PHKA2: variants seen among roughly 807,000 people sequenced by gnomAD.
PHKA2 encodes phosphorylase kinase regulatory subunit alpha 2.
Under a neutral mutation model 102.0 loss-of-function variants are expected in PHKA2, and 31 were observed. The ratio of observed to expected loss-of-function variants is 0.30; its 90% confidence interval spans 0.23 to 0.41. The LOEUF is 0.41. Ranked by LOEUF, PHKA2 falls within the 10% of genes least tolerant of loss-of-function variation. The probability of loss-of-function intolerance (pLI) is 1.00; values close to 1 mark genes in which losing one functional copy is unlikely to be tolerated. For synonymous variants in PHKA2, 455 were observed against 416.2 expected, an observed-to-expected ratio of 1.09 and a Z score of -1.13; for missense variants, 858 against 1,023.1, an observed-to-expected ratio of 0.84 and a Z score of 2.20.
At chrX:18,933,457 A>G (rs1258158890) in intron 11 of PHKA2, among the ~76,000 whole-genome samples, 7 of 112,812 alleles carry the variant, frequency 6.2e-5, no homozygotes, top group Non-Finnish European at 1.3e-4. Context: ...GTGGCTGCTC[A>G]ATCCATGTTT....
intron 1 of PHKA2, among the ~76,000 whole-genome samples, chrX:18,967,129 G>C (rs774517791): frequency 4.5e-5 from 5 of 111,349 alleles, no homozygotes; most frequent in Non-Finnish European, 9.4e-5. Context: ...AAAGATCTTG[G>C]GTTTGCTGGA....
At chrX:18,966,034 T>C (rs756584174) in intron 1 of PHKA2, among the ~76,000 whole-genome samples, 6 of 108,253 alleles carry the variant, frequency 5.5e-5, no homozygotes, top group South Asian at 4.3e-4. Flanking sequence ...ACGAGAAGAA[T>C]TGACCTTGAA....
intron 13 of PHKA2, 83 bp from the exon 14 acceptor site, chrX:18,926,670 G>T: frequency 1.1e-6 from 1 of 938,770 alleles, no homozygotes; most frequent in Non-Finnish European, 1.5e-6. Context: ...GCCCTCTTCT[G>T]CCTGGTGACA....
chrX:18,894,843 T>G, intron 31 of PHKA2: 1 of 415,921 alleles, frequency 2.4e-6, no homozygotes, highest in East Asian at 4.0e-5. Flanking sequence ...CAGGCCAGGG[T>G]GGCATGGAGA....
At chrX:18,933,889 CA>C (rs1213225958) in intron 11 of PHKA2, among the ~76,000 whole-genome samples, 2 of 112,097 alleles carry the variant, frequency 1.8e-5, no homozygotes, top group African/African-American at 6.5e-5. Context: ...TAATTTTTTA[CA>C]ATGTGTAGTC....
At chrX:18,978,231 TACTC>T (rs1245754676) in intron 1 of PHKA2, among the ~76,000 whole-genome samples, 2 of 111,325 alleles carry the variant, frequency 1.8e-5, no homozygotes, top group Non-Finnish European at 3.8e-5. Flanking sequence ...CAGGTGGAGA[TACTC>T]ACCACTATAC....
chrX:18,924,243 G>A, intron 16 of PHKA2, 109 bp from the exon 17 acceptor site: 1 of 918,745 alleles, frequency 1.1e-6, no homozygotes. Context: ...TGGCATAGAA[G>A]ATTCCCGAGA....
chrX:18,961,088 A>G (rs754848759), intron 1 of PHKA2, among the ~76,000 whole-genome samples: 3 of 112,180 alleles, frequency 2.7e-5, no homozygotes. Context: ...CTTCTGATCC[A>G]TGGACATGGG....
chrX:18,938,678 C>T lies in PHKA2; in HGVS notation c.990G>A (p.Val330=), dbSNP rs146825403. 1.4e-5 allele frequency: 17 copies of T among 1,201,391 alleles called. No homozygotes were observed. The highest frequency in any genetic ancestry group is 2.2e-5 in the Admixed American group (1 of 45,860). The stretch of plus-strand genomic sequence containing the variant: ...CATCTATTATAAAATATGTCCAAAA[C>T]ACAGGCCACTCACATTCAATGTTTT... The part of the protein sequence containing the change: ...LFENIECEWP[V]FWTYFIIDGV... Residue 330 remains valine, a synonymous_variant, in exon 10 of 33, where the codon GTG becomes GTA. Coordinates refer to ENST00000379942, the MANE Select transcript of PHKA2 (RefSeq NM_000292.3).
chrX:18,980,207 G>A (rs966283202), intron 1 of PHKA2, among the ~76,000 whole-genome samples: 7 of 112,852 alleles, frequency 6.2e-5, no homozygotes, highest in African/African-American at 2.3e-4. Context: ...CAGGAAAGCC[G>A]GGTATTGTCC....
At chrX:18,937,412 G>C (rs778699726) in intron 10 of PHKA2, among the ~76,000 whole-genome samples, 1 of 111,384 alleles carries the variant, frequency 9.0e-6, no homozygotes, top group East Asian at 2.8e-4. Context: ...ACTGGAGAGA[G>C]ATGGCCTCTA....
In PHKA2 at chrX:18,906,559, T is replaced by C. The variant is rs1569297453; in HGVS notation, c.2742A>G (p.Arg914=). 1 of 1,205,841 alleles carries C rather than the reference T, an allele frequency of 8.3e-7. No individual in the cohort carries two copies. Among genetic ancestry groups the C allele is most frequent in the Admixed American group, 2.2e-5 (1 of 46,072 alleles). ...CCTGAATGATCAGTCCAATCCGGAG[T>C]CTCAGCATCTCCACAAAGAGGCTGG... ...AQPSLFVEML[R]LRIGLIIQVM... The change falls in exon 25 of 33, where the codon AGA becomes AGG. Residue 914 remains arginine, a synonymous_variant. Transcript: ENST00000379942.
At chrX:18,942,026 T>C (rs1187702099) in intron 7 of PHKA2, among the ~76,000 whole-genome samples, 3 of 112,297 alleles carry the variant, frequency 2.7e-5, no homozygotes, top group Non-Finnish European at 3.8e-5. Flanking sequence ...GTCTTGGCTA[T>C]GAAGACAGAG....
chrX:18,905,526 T>C lies in PHKA2; in HGVS notation c.2908+232A>G, dbSNP rs746519678. 1.0e-4 allele frequency among the ~76,000 whole-genome samples: 11 copies of C among 110,168 alleles called. No individual in the cohort carries two copies. In the South Asian group the frequency reaches 2.8e-3, roughly 28 times the overall value. ...AGGTGCTTACGACTACAGGAGGCGGTATACCACACCCACATGCTGTGCCAA... is the reference window on the plus strand; with the variant it reads ...AGGTGCTTACGACTACAGGAGGCGGCATACCACACCCACATGCTGTGCCAA... On this transcript the variant is annotated intron_variant, in intron 26 of 32. Transcript: ENST00000379942.
chrX:18,942,984 C>A (rs1469339054), intron 7 of PHKA2, among the ~76,000 whole-genome samples: 2 of 111,058 alleles, frequency 1.8e-5, no homozygotes, highest in African/African-American at 6.6e-5. Context: ...TTTTCTATAG[C>A]CAACTGAGCC....
At chrX:18,948,601 G>A (rs1318101981) in intron 5 of PHKA2, 143 bp downstream of exon 5, 4 of 500,122 alleles carry the variant, frequency 8.0e-6, no homozygotes, top group Non-Finnish European at 1.5e-5. Context: ...TGCAGTTTGT[G>A]TGTGGAGGTG....
chrX:18,909,978 ATCT>A (rs1374173147), intron 20 of PHKA2, among the ~76,000 whole-genome samples: 1 of 112,482 alleles, frequency 8.9e-6, no homozygotes, highest in Non-Finnish European at 1.9e-5. Flanking sequence ...TCAGGGTAAA[ATCT>A]TCTCCAACAG....
At position 18,906,806 on chromosome X, in the gene PHKA2, G is replaced by A; in HGVS notation, c.2606C>T (p.Pro869Leu). 8.3e-7 allele frequency: 1 copy of A among 1,208,327 alleles called. No individual in the cohort carries two copies. Among genetic ancestry groups the A allele is most frequent in the Non-Finnish European group, 1.1e-6 (1 of 891,980 alleles). ...GATGAGTTTTGTGAGCTCCTCTGGG[G>A]GAAGGGGCCTAGAAAGGAGCATTGT... is the stretch of plus-strand genomic sequence containing the variant. The part of the protein sequence containing the change: ...PREKIISAPL[P>L]PEELTKLIYE... Residue 869 changes from proline (P) to leucine (L), a missense_variant, in exon 24 of 33, where the codon CCC (proline) becomes CTC (leucine). By Grantham distance (98) the Pro-to-Leu change is moderately conservative. This residue lies in a region of PHKA2 where 671 missense variants were observed against 745.2 expected (regional missense o/e 0.90). Transcript: ENST00000379942.
intron 19 of PHKA2, among the ~76,000 whole-genome samples, chrX:18,912,842 C>T (rs1393261694): frequency 2.7e-5 from 3 of 110,493 alleles, no homozygotes; most frequent in Non-Finnish European, 3.8e-5. Context: ...ACCTGGGAGG[C>T]GAAGATTATG....
Sources: allele counts gnomAD v4.1 joint callset (sites outside exome capture counted in the v4.1 genomes callset), GRCh38; gene constraint gnomAD v4.1.1; regional missense constraint gnomAD v4.1.1; transcripts MANE v1.5; gene names NCBI Gene and HGNC (gene_info 2026-07-23, HGNC 2026-07-21).